TRHDE: variants seen among roughly 807,000 people sequenced by gnomAD.
TRHDE encodes thyrotropin releasing hormone degrading enzyme.
Under a neutral mutation model 125.7 loss-of-function variants are expected in TRHDE, and 72 were observed. The observed-to-expected ratio is 0.57, with a 90% CI of 0.47 to 0.70. TRHDE has a LOEUF of 0.70. Ranked by LOEUF, TRHDE falls within the 30% of genes least tolerant of loss-of-function variation. TRHDE has a pLI of 0.00. For synonymous variants in TRHDE, 509 were observed against 509.1 expected (o/e 1.00, Z 0.00); for missense variants, 1,110 against 1,327.1 (o/e 0.84, Z 2.54).
chr12:72,543,797 G>GATTATT (rs57214635), intron 7 of TRHDE, among the ~76,000 whole-genome samples: 28,066 of 141,996 alleles, frequency 0.2, 3,040 homozygotes, highest in African/African-American at 0.29. Context: ...ATTTGGAAAG[G>GATTATT]ATTATTATTA....
chr12:72,109,232 C>T lies in TRHDE; in HGVS notation n.279+3480C>T, dbSNP rs149272955. On this transcript the variant is annotated intron_variant and non_coding_transcript_variant, in intron 2 of 4. Coordinates refer to the TRHDE transcript ENST00000548156. ...AAGAATTGACATCAATTTGGCCCAC[C>T]TTAAAGATAGGAATATATCCTGTTA... is the stretch of plus-strand genomic sequence containing the variant. 1.8e-3 allele frequency among the ~76,000 whole-genome samples: 278 copies of T among 152,124 alleles called. 2 individuals are homozygous for T. The highest frequency in any genetic ancestry group is 5.6e-3 in the African/African-American group (234 of 41,528).
At chr12:72,138,716 T>C (rs553923202) in intron 2 of TRHDE, among the ~76,000 whole-genome samples, 9 of 152,254 alleles carry the variant, frequency 5.9e-5, no homozygotes, top group Non-Finnish European at 1.3e-4. Context: ...TGAGGAGTCG[T>C]GACCATATTC....
At chr12:72,420,951 A>C (rs1873926721) in intron 3 of TRHDE, among the ~76,000 whole-genome samples, 1 of 151,132 alleles carries the variant, frequency 6.6e-6, no homozygotes, top group South Asian at 2.1e-4. Context: ...TTTCTTACAG[A>C]CTCATTATGG....
chr12:72,098,873 A>G (rs115003778), intron 1 of TRHDE, among the ~76,000 whole-genome samples: 1 of 152,216 alleles, frequency 6.6e-6, no homozygotes, highest in Non-Finnish European at 1.5e-5. Context: ...TGTAAGAAAG[A>G]ATAAATCACT....
intron 2 of TRHDE, among the ~76,000 whole-genome samples, chr12:72,223,899 A>G (rs1459366186): frequency 6.6e-6 from 1 of 151,998 alleles, no homozygotes; most frequent in African/African-American, 2.4e-5. Flanking sequence ...TTGCTAAGAA[A>G]GGGAACAGAA....
At chr12:72,211,778 A>C (rs1877788072) in intron 2 of TRHDE, among the ~76,000 whole-genome samples, 1 of 152,208 alleles carries the variant, frequency 6.6e-6, no homozygotes, top group Non-Finnish European at 1.5e-5. Flanking sequence ...AAAAAAGACT[A>C]ATACAATAAT....
At chr12:72,227,014 T>C (rs1188632797) in intron 2 of TRHDE, among the ~76,000 whole-genome samples, 1 of 152,186 alleles carries the variant, frequency 6.6e-6, no homozygotes, top group Non-Finnish European at 1.5e-5. Context: ...GGCATTTGTG[T>C]TTCCATTGGG....
At chr12:72,481,225 T>A (rs992742470) in intron 5 of TRHDE, among the ~76,000 whole-genome samples, 1 of 151,980 alleles carries the variant, frequency 6.6e-6, no homozygotes, top group Non-Finnish European at 1.5e-5. Context: ...TTTATGGGAC[T>A]TTTCTTTTTT....
chr12:72,375,480 A>G (rs1871835789), intron 2 of TRHDE, among the ~76,000 whole-genome samples: 2 of 152,180 alleles, frequency 1.3e-5, no homozygotes, highest in South Asian at 4.1e-4. Context: ...AGCTTGACTA[A>G]CTGGTAAGAT....
chr12:72,572,547 C>A (rs2136024295), intron 10 of TRHDE, among the ~76,000 whole-genome samples: 1 of 152,088 alleles, frequency 6.6e-6, no homozygotes, highest in South Asian at 2.1e-4. Context: ...TTAACTAGAA[C>A]TGAAAAGATA....
chr12:72,174,294 C>T (rs1490173974), intron 2 of TRHDE, among the ~76,000 whole-genome samples: 1 of 152,032 alleles, frequency 6.6e-6, no homozygotes, highest in Non-Finnish European at 1.5e-5. Flanking sequence ...AATTACTAGC[C>T]AATTCATAGA....
chr12:72,523,069 C>G (rs1286348008), intron 6 of TRHDE, among the ~76,000 whole-genome samples: 4 of 151,938 alleles, frequency 2.6e-5, no homozygotes, highest in Non-Finnish European at 5.9e-5. Context: ...TGTCTCTTAT[C>G]AGTGACCCTG....
chr12:72,183,480 A>G (rs558422747), intron 2 of TRHDE, among the ~76,000 whole-genome samples: 4 of 152,336 alleles, frequency 2.6e-5, no homozygotes, highest in African/African-American at 9.6e-5. Flanking sequence ...TACATTTGTC[A>G]TAGTTCTAAC....
At chr12:72,455,040 A>G (rs915438381) in intron 3 of TRHDE, among the ~76,000 whole-genome samples, 3 of 152,110 alleles carry the variant, frequency 2.0e-5, no homozygotes, top group Non-Finnish European at 2.9e-5. Context: ...AATATTTTAC[A>G]CCTTTAGTCT....
Position 72,542,282 on chromosome 12 carries a change from T to C in TRHDE, c.1723-9T>C, listed in dbSNP as rs1284988943. On this transcript the variant is annotated splice_polypyrimidine_tract_variant and intron_variant, in intron 6 of 18. Transcript: ENST00000261180. ...GAAATTCTGTTCTTTTTATTATTCT[T>C]TCCTATAGGGTGCTGCTTTAATAAG... The C allele has an allele frequency of 6.3e-7, 1 of 1,593,630 alleles. No individual in the cohort carries two copies. Among genetic ancestry groups the C allele is most frequent in the Non-Finnish European group, 8.6e-7 (1 of 1,167,790 alleles).
In TRHDE at chr12:72,389,246, A is replaced by G. The variant is rs530165135; in HGVS notation, c.1315+11125A>G. Among the ~76,000 whole-genome samples the G allele has an allele frequency of 1.5e-3, 226 of 152,298 alleles. 1 individual carries two copies. Among genetic ancestry groups the G allele is most frequent in the African/African-American group, 5.1e-3 (210 of 41,566 alleles). On this transcript the variant is annotated intron_variant, in intron 3 of 18. Transcript: ENST00000261180. ...GTTGAGTCAAAATCTGAAAGAGTAC[A>G]GAAACCCTAAGGAGGAGGAGATCTG...
At chr12:72,130,655 A>G (rs1171680296) in intron 2 of TRHDE, among the ~76,000 whole-genome samples, 13 of 152,184 alleles carry the variant, frequency 8.5e-5, no homozygotes, top group Non-Finnish European at 1.5e-5. Context: ...TCAATTGAAA[A>G]ACACCACAAT....
chr12:72,203,720 C>T (rs1214684666), intron 2 of TRHDE, among the ~76,000 whole-genome samples: 1 of 152,090 alleles, frequency 6.6e-6, no homozygotes, highest in African/African-American at 2.4e-5. Context: ...GAGTTAAAGT[C>T]AATTACCATC....
chr12:72,222,319 G>C (rs558099618), intron 2 of TRHDE, among the ~76,000 whole-genome samples: 1 of 152,208 alleles, frequency 6.6e-6, no homozygotes, highest in African/African-American at 2.4e-5. Flanking sequence ...GATTGTTCCA[G>C]CCATCTTTGG....
Sources: gnomAD v4.1 joint callset for allele counts (sites outside exome capture counted in the v4.1 genomes callset) on GRCh38, gnomAD v4.1.1 for gene constraint, MANE v1.5 for transcripts, NCBI Gene and HGNC (gene_info 2026-07-23, HGNC 2026-07-21) for gene names.